TAB2: variants seen among roughly 807,000 people sequenced by gnomAD.
TAB2 encodes TGF-beta activated kinase 1 (MAP3K7) binding protein 2, also known as TGF-beta-activated kinase 1 and MAP3K7-binding protein 2.
Under a neutral mutation model 65.0 loss-of-function variants are expected in TAB2, and 3 were observed. The observed-to-expected ratio is 0.05, with a 90% CI of 0.02 to 0.12. The LOEUF (loss-of-function observed/expected upper bound fraction) is 0.12, where lower values mean the gene tolerates loss of function less well. Among genes scored for constraint, TAB2 ranks in the 10% least tolerant of loss-of-function variants. TAB2 has a pLI of 1.00. For missense variants in TAB2, 623 were observed against 840.3 expected (o/e 0.74, Z 3.20); for synonymous variants, 298 against 285.1 (o/e 1.05, Z -0.46).
intron 1 of TAB2, among the ~76,000 whole-genome samples, chr6:149,348,382 C>G (rs1326912114): frequency 3.3e-5 from 5 of 151,554 alleles, no homozygotes. Context: ...GAACAAGACC[C>G]TGTCTCAGAA....
chr6:149,339,094 A>G (rs1780021077), intron 1 of TAB2, among the ~76,000 whole-genome samples: 2 of 152,168 alleles, frequency 1.3e-5, no homozygotes, highest in Non-Finnish European at 2.9e-5. Context: ...GACCGGGCAC[A>G]GTGGCTCACG....
intron 1 of TAB2, among the ~76,000 whole-genome samples, chr6:149,333,149 G>A (rs1779832404): frequency 6.6e-6 from 1 of 152,194 alleles, no homozygotes; most frequent in African/African-American, 2.4e-5. Context: ...CTAGAGTTTA[G>A]AGCTAGTAAA....
At chr6:149,261,024 A>G (rs1020143076) in intron 1 of TAB2, among the ~76,000 whole-genome samples, 1 of 152,192 alleles carries the variant, frequency 6.6e-6, no homozygotes, top group African/African-American at 2.4e-5. Flanking sequence ...CTGAATTTGA[A>G]TTTTCTTTCT....
exon 1 of TAB2, chr6:149,218,766 T>A (rs757611715): frequency 6.6e-6 from 3 of 455,968 alleles, no homozygotes; most frequent in Non-Finnish European, 1.3e-5. Flanking sequence ...GCAAACCAAC[T>A]GAGAATGCAG....
At chr6:149,293,915 A>G (rs1439384719) in intron 1 of TAB2, among the ~76,000 whole-genome samples, 6 of 152,230 alleles carry the variant, frequency 3.9e-5, no homozygotes, top group Non-Finnish European at 5.9e-5. Context: ...TTCAATGGTG[A>G]AAAGGCAGAT....
At chr6:149,384,096 G>A (rs1583146387) in intron 3 of TAB2, among the ~76,000 whole-genome samples, 1 of 152,066 alleles carries the variant, frequency 6.6e-6, no homozygotes, top group Non-Finnish European at 1.5e-5. Flanking sequence ...GAAATATCTC[G>A]GTCTTCTGCA....
chr6:149,275,419 A>C (rs184932154), intron 1 of TAB2, among the ~76,000 whole-genome samples: 9 of 152,278 alleles, frequency 5.9e-5, no homozygotes, highest in Non-Finnish European at 1.0e-4. Context: ...AAAATAAATA[A>C]AGTAGTTGAA....
At position 149,378,104 on chromosome 6, in the gene TAB2, A is replaced by G; in HGVS notation, c.189A>G (p.Ser63=). 1 of 1,614,202 alleles carries G rather than the reference A, an allele frequency of 6.2e-7. No homozygotes were observed. Among genetic ancestry groups the G allele is most frequent in the South Asian group, 1.1e-5 (1 of 91,078 alleles). The change falls in exon 3 of 7, where the codon TCA becomes TCG. Residue 63 remains serine (S), a synonymous_variant. Coordinates refer to ENST00000637181, the MANE Select transcript of TAB2 (RefSeq NM_001292034.3). The part of the protein sequence containing the change: ...YLYGEGDLNF[S]DDSGISGLRN... ...ATGGTGAAGGAGACTTGAATTTTTCAGATGATTCTGGAATTTCTGGTCTAC... is the reference window on the plus strand; with the variant it reads ...ATGGTGAAGGAGACTTGAATTTTTCGGATGATTCTGGAATTTCTGGTCTAC...
chr6:149,401,307 A>T (rs1291513590), intron 6 of TAB2: 1 of 166,380 alleles, frequency 6.0e-6, no homozygotes, highest in Non-Finnish European at 1.5e-5. Context: ...CCAATAATAT[A>T]CTATCTACAA....
At chr6:149,279,442 T>C (rs1215497438) in intron 1 of TAB2, among the ~76,000 whole-genome samples, 2 of 152,204 alleles carry the variant, frequency 1.3e-5, no homozygotes, top group Non-Finnish European at 1.5e-5. Context: ...CTTTAAATGC[T>C]ACCTGTATGC....
intron 1 of TAB2, among the ~76,000 whole-genome samples, chr6:149,249,170 GCA>G (rs35356478): frequency 0.79 from 117,892 of 150,020 alleles, 46,301 homozygotes; most frequent in East Asian, 0.94. Flanking sequence ...ACACACACAC[GCA>G]CACACACACA....
intron 1 of TAB2, chr6:149,243,750 A>C (rs1169558432): frequency 6.6e-6 from 1 of 152,240 alleles, no homozygotes; most frequent in Non-Finnish European, 1.5e-5. Context: ...ACCCATCATC[A>C]AAGGGAAGGA....
intron 1 of TAB2, among the ~76,000 whole-genome samples, chr6:149,367,794 G>A (rs571984629): frequency 2.6e-5 from 4 of 152,232 alleles, no homozygotes; most frequent in African/African-American, 9.6e-5. Context: ...TGTGGGATGA[G>A]AGACCAACTG....
intron 1 of TAB2, among the ~76,000 whole-genome samples, chr6:149,357,875 A>G (rs367953168): frequency 2.0e-5 from 3 of 151,922 alleles, no homozygotes; most frequent in Non-Finnish European, 4.4e-5. Flanking sequence ...GATTTTTTGT[A>G]TTTTTAGTAG....
intron 3 of TAB2, among the ~76,000 whole-genome samples, chr6:149,388,379 C>T (rs1451799596): frequency 1.3e-5 from 2 of 152,196 alleles, no homozygotes; most frequent in Non-Finnish European, 2.9e-5. Context: ...CTACCACATA[C>T]CTGGGAGACA....
In TAB2 at chr6:149,378,211, G is replaced by T; in HGVS notation, c.296G>T (p.Gly99Val). ...HHGREGSRMN[G>V]SRTLTHSISD... is the part of the protein sequence containing the mutation. ...GGAAGAGAAGGAAGTAGGATGAATGGAAGTAGGACTCTAACGCACAGCATT... is the reference window on the plus strand; with the variant it reads ...GGAAGAGAAGGAAGTAGGATGAATGTAAGTAGGACTCTAACGCACAGCATT... Residue 99 changes from glycine to valine, a missense_variant, in exon 3 of 7, where the codon GGA becomes GTA. Gly to Val is a moderately radical substitution (Grantham distance 109). Transcript: ENST00000637181. The T allele has an allele frequency of 6.2e-7, 1 of 1,614,192 alleles. No individual in the cohort carries two copies. The highest frequency in any genetic ancestry group is 1.1e-5 in the South Asian group (1 of 91,090).
intron 6 of TAB2, among the ~76,000 whole-genome samples, chr6:149,406,395 G>A (rs1161296288): frequency 3.3e-5 from 5 of 152,288 alleles, no homozygotes; most frequent in South Asian, 2.1e-4. Flanking sequence ...AGTGCCTTAC[G>A]TAGGGGAGGA....
intron 1 of TAB2, among the ~76,000 whole-genome samples, chr6:149,311,319 C>T (rs1371516827): frequency 6.6e-6 from 1 of 152,216 alleles, no homozygotes; most frequent in Non-Finnish European, 1.5e-5. Flanking sequence ...ATTGAAATTT[C>T]AACTCTTGTT....
At chr6:149,350,491 A>G (rs571026422) in intron 1 of TAB2, among the ~76,000 whole-genome samples, 22 of 152,182 alleles carry the variant, frequency 1.4e-4, no homozygotes, top group Non-Finnish European at 3.1e-4. Context: ...CGTATGTTGA[A>G]ATGGAAAAAT....
Sources: gnomAD v4.1 joint callset for allele counts (sites outside exome capture counted in the v4.1 genomes callset) on GRCh38, gnomAD v4.1.1 for gene constraint, MANE v1.5 for transcripts, NCBI Gene and HGNC (gene_info 2026-07-23, HGNC 2026-07-21) for gene names.